The following AIG1 variants were observed in gnomAD, a reference collection of about 807,000 sequenced individuals.
AIG1 encodes the protein androgen-induced gene 1 protein.
AIG1 carries 23 observed loss-of-function variants against 31.4 expected under a neutral mutation model. The observed-to-expected ratio is 0.73, with a 90% CI of 0.53 to 1.04. AIG1 has a LOEUF of 1.04. AIG1 is among the 50% of genes least tolerant of loss of function. The pLI, the probability that AIG1 is intolerant of heterozygous loss-of-function variation, is 0.00. For missense variants in AIG1, 274 were observed against 295.0 expected, an observed-to-expected ratio of 0.93 and a Z score of 0.52; for synonymous variants, 100 against 110.5, an observed-to-expected ratio of 0.90 and a Z score of 0.60.
intron 1 of AIG1, among the ~76,000 whole-genome samples, chr6:143,093,656 C>A (rs780885015): frequency 1.6e-4 from 25 of 152,178 alleles, no homozygotes; most frequent in Non-Finnish European, 2.6e-4. Context: ...GGTTTCCTCA[C>A]CAGGCTTAAT....
At chr6:143,243,608 A>G (rs573780833) in intron 3 of AIG1, among the ~76,000 whole-genome samples, 9 of 152,258 alleles carry the variant, frequency 5.9e-5, no homozygotes, top group Non-Finnish European at 1.2e-4. Flanking sequence ...CCCCAAATTA[A>G]CTTGTACATT....
intron 3 of AIG1, among the ~76,000 whole-genome samples, chr6:143,233,956 A>T (rs576667781): frequency 1.3e-5 from 2 of 152,340 alleles, no homozygotes; most frequent in African/African-American, 4.8e-5. Flanking sequence ...CCAAGTTAGT[A>T]AATTATTAGA....
chr6:143,230,667 T>G (rs1295931099), intron 3 of AIG1, among the ~76,000 whole-genome samples: 1 of 151,722 alleles, frequency 6.6e-6, no homozygotes, highest in Non-Finnish European at 1.5e-5. Context: ...ATAATATATA[T>G]GTATCAAACC....
At chr6:143,317,953 C>T (rs1775901170) in intron 4 of AIG1, among the ~76,000 whole-genome samples, 1 of 151,924 alleles carries the variant, frequency 6.6e-6, no homozygotes, top group Non-Finnish European at 1.5e-5. Flanking sequence ...AGGTGAAAGA[C>T]ATCTACAAGG....
intron 3 of AIG1, among the ~76,000 whole-genome samples, chr6:143,172,844 T>G (rs1478895589): frequency 1.3e-5 from 2 of 152,178 alleles, no homozygotes; most frequent in African/African-American, 4.8e-5. Context: ...TTTTCTAGTT[T>G]ATGTGCATAA....
At chr6:143,069,729 T>G (rs1321244217) in intron 1 of AIG1, among the ~76,000 whole-genome samples, 1 of 152,228 alleles carries the variant, frequency 6.6e-6, no homozygotes, top group Non-Finnish European at 1.5e-5. Flanking sequence ...ATATGTGATT[T>G]GCAAATGTTT....
chr6:143,301,067 A>G (rs1034188890), intron 4 of AIG1, among the ~76,000 whole-genome samples: 3 of 152,194 alleles, frequency 2.0e-5, no homozygotes. Flanking sequence ...ATGTATCTTT[A>G]AACTAACTGT....
At chr6:143,112,245 A>G (rs1216112055) in intron 1 of AIG1, among the ~76,000 whole-genome samples, 1 of 152,144 alleles carries the variant, frequency 6.6e-6, no homozygotes, top group East Asian at 1.9e-4. Context: ...TTCTGCCCAG[A>G]ACAGTCACAT....
chr6:143,333,455 G>A lies in AIG1; in HGVS notation c.679+10G>A, dbSNP rs767383214. Reference sequence around the variant, plus strand: ...TGGGATACACAGAAAAGTAAGTATTGTCTGAGGGAACATAAAACAAGAGAA... The same window carrying A: ...TGGGATACACAGAAAAGTAAGTATTATCTGAGGGAACATAAAACAAGAGAA... On this transcript the variant is annotated intron_variant, in intron 5 of 5. Coordinates refer to ENST00000357847, the MANE Select transcript of AIG1 (RefSeq NM_016108.4). This position sits in a 1 kb window ranked among gnomAD's most constrained non-coding sequence, Gnocchi z 4.6. 3.1e-6 allele frequency: 5 copies of A among 1,610,842 alleles called. No individual in the cohort carries two copies. The highest frequency in any genetic ancestry group is 2.7e-5 in the African/African-American group (2 of 74,702).
chr6:143,290,864 A>G (rs1402800916), intron 4 of AIG1, among the ~76,000 whole-genome samples: 5 of 152,130 alleles, frequency 3.3e-5, no homozygotes, highest in Admixed American at 3.3e-4. Context: ...GGCTTACAAG[A>G]GACAGCCGAA....
chr6:143,241,231 C>T (rs935930045), intron 3 of AIG1, among the ~76,000 whole-genome samples: 9 of 152,218 alleles, frequency 5.9e-5, no homozygotes, highest in Non-Finnish European at 2.9e-5. Flanking sequence ...AGGAAAGAAA[C>T]AAGCCCTGGG....
intron 3 of AIG1, among the ~76,000 whole-genome samples, chr6:143,171,422 AAT>A (rs1554253941): frequency 9.4e-6 from 1 of 106,568 alleles, no homozygotes; most frequent in Non-Finnish European, 1.7e-5. Flanking sequence ...ATATATATAT[AAT>A]ATATATAATA....
At chr6:143,070,238 T>C (rs1777128233) in intron 1 of AIG1, among the ~76,000 whole-genome samples, 1 of 152,246 alleles carries the variant, frequency 6.6e-6, no homozygotes, top group African/African-American at 2.4e-5. Context: ...TAGAATTTAA[T>C]TGAATCTATA....
intron 3 of AIG1, among the ~76,000 whole-genome samples, chr6:143,211,362 T>G (rs1791574593): frequency 2.0e-5 from 3 of 152,158 alleles, no homozygotes; most frequent in Admixed American, 2.0e-4. Context: ...TGCATTGATG[T>G]GTATTGCGGC....
At chr6:143,153,640 C>A (rs190893012) in intron 2 of AIG1, among the ~76,000 whole-genome samples, 7 of 152,234 alleles carry the variant, frequency 4.6e-5, no homozygotes, top group African/African-American at 1.7e-4. Flanking sequence ...AGCCACCGTG[C>A]CCAGCTGAGA....
chr6:143,200,751 G>A (rs1257401514), intron 3 of AIG1, among the ~76,000 whole-genome samples: 1 of 151,928 alleles, frequency 6.6e-6, no homozygotes, highest in African/African-American at 2.4e-5. Flanking sequence ...CCGTTTCTTT[G>A]TAGGCTCCTC....
At chr6:143,238,059 G>A (rs946785275) in intron 3 of AIG1, among the ~76,000 whole-genome samples, 1 of 152,100 alleles carries the variant, frequency 6.6e-6, no homozygotes, top group Non-Finnish European at 1.5e-5. Flanking sequence ...TCCTGCATCA[G>A]CCTCCCGAGT....
At chr6:143,227,056 G>A (rs1793030251) in intron 3 of AIG1, among the ~76,000 whole-genome samples, 1 of 148,936 alleles carries the variant, frequency 6.7e-6, no homozygotes, top group Non-Finnish European at 1.5e-5. Context: ...GTGACCCAAG[G>A]CAATTCTTCT....
intron 2 of AIG1, among the ~76,000 whole-genome samples, chr6:143,161,106 T>C (rs1299393099): frequency 6.6e-6 from 1 of 152,170 alleles, no homozygotes; most frequent in Admixed American, 6.6e-5. Flanking sequence ...CATGATGGAA[T>C]AGTAAGAACA....
Sources: gnomAD v4.1 joint callset for allele counts (sites outside exome capture counted in the v4.1 genomes callset) on GRCh38, gnomAD v4.1.1 for gene constraint, Gnocchi (gnomAD v3.1) non-coding constraint, MANE v1.5 for transcripts, NCBI Gene and HGNC (gene_info 2026-07-23, HGNC 2026-07-21) for gene names.